Variants in DLG5 observed in about 807,000 individuals in gnomAD.
DLG5 encodes the protein disks large homolog 5.
A neutral mutation model predicts 189.8 loss-of-function variants in DLG5; 48 were observed. That is an observed-to-expected ratio of 0.25 (90% CI 0.20 to 0.32). The LOEUF (loss-of-function observed/expected upper bound fraction) is 0.32, where lower values mean the gene tolerates loss of function less well. DLG5 is among the 10% of genes least tolerant of loss of function. DLG5 has a pLI of 1.00. For missense variants in DLG5, 2,160 were observed against 2,544.7 expected, an observed-to-expected ratio of 0.85 and a Z score of 3.25; for synonymous variants, 1,016 against 1,054.1, an observed-to-expected ratio of 0.96 and a Z score of 0.70.
intron 20 of DLG5, among the ~76,000 whole-genome samples, chr10:77,814,746 T>A (rs1229806718): frequency 6.6e-6 from 1 of 151,822 alleles, no homozygotes; most frequent in Non-Finnish European, 1.5e-5. Flanking sequence ...GGCTAATTTT[T>A]GTATTTTTAG....
At position 77,792,091 on chromosome 10, in the gene DLG5, T is replaced by C. The variant is rs1210601096; in HGVS notation, c.*349A>G. The C allele has an allele frequency of 3.7e-6, 1 of 267,550 alleles. No homozygotes were observed. The highest frequency in any genetic ancestry group is 2.2e-5 in the African/African-American group (1 of 45,290). 16.6% of individuals were successfully genotyped at this position (267,550 alleles called of 1,614,324 possible). ...CAACATGGAGCCGTTCAAGTAAACA[T>C]AAACCACCAAATACTTAGAAAAGGC... On this transcript the variant is annotated 3_prime_UTR_variant, in exon 32 of 32. Transcript: ENST00000372391.
Position 77,877,130 on chromosome 10 carries a change from G to GT in DLG5, c.305-7934dup, listed in dbSNP as rs1845125116. 2.0e-5 allele frequency among the ~76,000 whole-genome samples: 3 copies of GT among 152,088 alleles called. No homozygotes were observed. The East Asian group carries it at 5.8e-4, about 29-fold the overall frequency. On this transcript the variant is annotated intron_variant, in intron 1 of 31. Coordinates refer to ENST00000372391, the MANE Select transcript of DLG5 (RefSeq NM_004747.4). ...ATTGCCTGAACCTGAGAAAACTCTC[G>GT]TATCAATTTTGCCATCTGTGACTCC... is the stretch of plus-strand genomic sequence containing the variant.
intron 1 of DLG5, among the ~76,000 whole-genome samples, chr10:77,879,578 G>C (rs1244628000): frequency 6.6e-6 from 1 of 151,916 alleles, no homozygotes; most frequent in Non-Finnish European, 1.5e-5. Context: ...GTCTGGACCA[G>C]AGTGACAAGA....
At chr10:77,826,306 G>A (rs979669634) in intron 13 of DLG5, among the ~76,000 whole-genome samples, 15 of 152,302 alleles carry the variant, frequency 9.8e-5, no homozygotes, top group South Asian at 2.1e-4. Context: ...GGAATGACAC[G>A]CAGTTATATG....
intron 5 of DLG5, among the ~76,000 whole-genome samples, chr10:77,848,552 C>T (rs147208163): frequency 1.1e-4 from 16 of 152,040 alleles, no homozygotes; most frequent in Non-Finnish European, 2.2e-4. Context: ...ACATGTGTGT[C>T]CACTGAAACA....
In DLG5 at chr10:77,792,334, C is replaced by A. The variant is rs2165046; in HGVS notation, c.*106G>T. The A allele has an allele frequency of 1.6e-5, 18 of 1,155,112 alleles. No homozygotes were observed. The highest frequency in any genetic ancestry group is 1.4e-4 in the East Asian group (6 of 42,604). 71.6% of individuals were successfully genotyped at this position (1,155,112 alleles called of 1,614,324 possible). ...GGGTCCTGGTTCCGGATCCTTCCCC[C>A]GCATGTTCATAGACGGACAGACTTC... On this transcript the variant is annotated 3_prime_UTR_variant, in exon 32 of 32. Coordinates refer to ENST00000372391, the MANE Select transcript of DLG5 (RefSeq NM_004747.4).
intron 9 of DLG5, 145 bp from the exon 10 acceptor site, chr10:77,831,018 G>A (rs1842873332): frequency 1.0e-6 from 1 of 1,001,288 alleles, no homozygotes. Flanking sequence ...TCAGAGTCAG[G>A]TCAAGGCTGC....
chr10:77,938,076 A>G, the DLG5 span, among the ~76,000 whole-genome samples: 1 of 151,768 alleles, frequency 6.6e-6, no homozygotes, highest in South Asian at 2.1e-4. Flanking sequence ...ACTAGACTCT[A>G]AGCTCCACAG....
chr10:77,833,871 C>G (rs1842993254), intron 9 of DLG5, 43 bp downstream of exon 9: 1 of 1,597,604 alleles, frequency 6.3e-7, no homozygotes, highest in Non-Finnish European at 8.5e-7. Flanking sequence ...GCCCCAGGCT[C>G]CCAGATGCAT....
At chr10:77,797,939 C>A (rs1225951433) in intron 27 of DLG5, among the ~76,000 whole-genome samples, 1 of 152,152 alleles carries the variant, frequency 6.6e-6, no homozygotes. Flanking sequence ...GTAATCCCAG[C>A]ACTTTGGGAG....
At chr10:77,825,361 T>C (rs569701064) in intron 13 of DLG5, among the ~76,000 whole-genome samples, 11 of 103,096 alleles carry the variant, frequency 1.1e-4, no homozygotes, top group African/African-American at 3.6e-4. Context: ...AACATGTGTT[T>C]AACCACACAC....
intron 2 of DLG5, among the ~76,000 whole-genome samples, chr10:77,866,339 G>A (rs141674305): frequency 2.8e-4 from 42 of 152,346 alleles, no homozygotes; most frequent in African/African-American, 9.4e-4. Flanking sequence ...TGATGCAGCA[G>A]GGGTGGGAGG....
intron 1 of DLG5, among the ~76,000 whole-genome samples, chr10:77,915,326 C>CA (rs397847299): frequency 0.01 from 990 of 96,772 alleles, 9 homozygotes; most frequent in African/African-American, 0.025. Flanking sequence ...GATGCCGTTT[C>CA]AAAAAAAAAA....
chr10:77,800,497 G>A (rs923882183), intron 27 of DLG5, among the ~76,000 whole-genome samples: 7 of 151,944 alleles, frequency 4.6e-5, no homozygotes, highest in Admixed American at 1.3e-4. Flanking sequence ...GCACGGGGCC[G>A]CCGCTGAGGG....
chr10:77,915,824 C>T (rs928265865), intron 1 of DLG5, among the ~76,000 whole-genome samples: 3 of 152,160 alleles, frequency 2.0e-5, no homozygotes, highest in Admixed American at 1.3e-4. Context: ...GCAAAAATAA[C>T]GAACATGCTT....
chr10:77,825,384 A>C (rs1000858862), intron 13 of DLG5, among the ~76,000 whole-genome samples: 1 of 141,886 alleles, frequency 7.0e-6, no homozygotes, highest in African/African-American at 2.8e-5. Context: ...CCACACACAC[A>C]CACACACACA....
intron 8 of DLG5, among the ~76,000 whole-genome samples, chr10:77,835,528 G>A (rs796302024): frequency 2.0e-5 from 3 of 152,334 alleles, no homozygotes; most frequent in African/African-American, 7.2e-5. Flanking sequence ...GACACCTAGG[G>A]CTGAGTGAGA....
At chr10:77,800,523 ACGGGGCCGCCGC>A (rs778127113) in intron 27 of DLG5, among the ~76,000 whole-genome samples, 9 of 152,008 alleles carry the variant, frequency 5.9e-5, no homozygotes, top group East Asian at 1.9e-4. Flanking sequence ...GAACCCAGGC[ACGGGGCCGCCGC>A]TGAGGGGCTG....
At chr10:77,794,159 T>C (rs1256864146) in intron 30 of DLG5, 42 bp from the exon 31 acceptor site, 1 of 1,565,228 alleles carries the variant, frequency 6.4e-7, no homozygotes, top group African/African-American at 1.4e-5. Context: ...CTGAGCCTCC[T>C]CCAGGCCCTC....
Sources: gnomAD v4.1 joint callset for allele counts (sites outside exome capture counted in the v4.1 genomes callset) on GRCh38, gnomAD v4.1.1 for gene constraint, MANE v1.5 for transcripts, NCBI Gene and HGNC (gene_info 2026-07-23, HGNC 2026-07-21) for gene names.